The following ZAN variants were observed in gnomAD, a reference collection of about 807,000 sequenced individuals.
The protein encoded by ZAN is zonadhesin (gene/pseudogene).
In ZAN, 260 loss-of-function variants were observed where a neutral mutation model predicts 286.2. That is an observed-to-expected ratio of 0.91 (90% CI 0.82 to 1.01). ZAN has a LOEUF of 1.01. ZAN is among the 50% of genes least tolerant of loss of function. The pLI, the probability that ZAN is intolerant of heterozygous loss-of-function variation, is 0.00. For synonymous variants in ZAN, 1,368 were observed against 1,417.5 expected, an observed-to-expected ratio of 0.97 and a Z score of 0.79; for missense variants, 3,410 against 3,639.2, an observed-to-expected ratio of 0.94 and a Z score of 1.62.
At position 100,763,875 on chromosome 7, in the gene ZAN, A is replaced by G; in HGVS notation, c.4056A>G (p.Pro1352=). 6.2e-7 allele frequency: 1 copy of G among 1,614,034 alleles called. No individual in the cohort carries two copies. Among genetic ancestry groups the G allele is most frequent in the Non-Finnish European group, 8.5e-7 (1 of 1,179,896 alleles). ...DSSLQSSMSG[P]GFCGRLVDTH... is the part of the protein sequence containing the mutation. ...CTCTGCAGAGCAGCATGTCGGGGCC[A>G]GGGTTCTGTGGACGGCTGGTCGACA... is the stretch of plus-strand genomic sequence containing the variant. The change falls in exon 21 of 48, where the codon CCA becomes CCG. Residue 1352 remains proline, a synonymous_variant. Coordinates refer to ENST00000613979, the MANE Select transcript of ZAN (RefSeq NM_003386.3). The surrounding 1 kb of genome is among the most constrained non-coding windows in gnomAD (Gnocchi z 4.6).
At chr7:100,761,040 C>T (rs372702261) in intron 19 of ZAN, among the ~76,000 whole-genome samples, 4 of 151,982 alleles carry the variant, frequency 2.6e-5, no homozygotes, top group South Asian at 2.1e-4. Flanking sequence ...GGATTACAGG[C>T]GCACACCACC....
rs1808221185 is a variant in ZAN, at chr7:100,746,412, C to T, written c.767-126C>T. On this transcript the variant is annotated intron_variant, in intron 7 of 47. Coordinates refer to ENST00000613979, the MANE Select transcript of ZAN (RefSeq NM_003386.3). ...CAGTTGGGATAGGACCACCTCAGTG[C>T]TGCCTGATTCTAGGCTGCTGTTGGG... 6 of 1,246,106 alleles carry T rather than the reference C, an allele frequency of 4.8e-6. No homozygotes were observed. The South Asian group carries it at 7.7e-5, about 16-fold the overall frequency. The allele number at this position is 1,246,106 out of a possible 1,614,324, so 77.2% of individuals were successfully genotyped here. A position where few individuals can be genotyped will look rare whatever the true frequency, so the allele number is the denominator to read the frequency against.
rs1405243438 is a variant in ZAN at position 100,774,007 on chromosome 7, A to T, written c.5779+142A>T. On this transcript the variant is annotated intron_variant, in intron 31 of 47. Coordinates refer to ENST00000613979, the MANE Select transcript of ZAN (RefSeq NM_003386.3). ...CTGCAACCAAGAGCTTCTGGTGGGT[A>T]AGATGACCTCCAACTGCTGAGAAGG... 32 of 1,280,862 alleles carry T rather than the reference A, an allele frequency of 2.5e-5. No individual in the cohort carries two copies. In the East Asian group the frequency reaches 6.9e-4, roughly 27 times the overall value. The allele number at this position is 1,280,862 out of a possible 1,614,324, so 79.3% of individuals were successfully genotyped here. A position where few individuals can be genotyped will look rare whatever the true frequency, so the allele number is the denominator to read the frequency against.
rs1218762723 is a variant in ZAN at position 100,795,189 on chromosome 7, C to T, written c.8126-7C>T. The T allele has an allele frequency of 2.5e-6, 4 of 1,606,382 alleles. No homozygotes were observed. ...CCCCCCTCCCACAACCCTCTCTGTC[C>T]TTGCAGAAAGCCCGTGTCTGCAGAA... On this transcript the variant is annotated splice_region_variant and splice_polypyrimidine_tract_variant and intron_variant, in intron 44 of 47. Transcript: ENST00000613979.
intron 45 of ZAN, among the ~76,000 whole-genome samples, chr7:100,796,319 T>C (rs1171686081): frequency 6.6e-6 from 1 of 152,022 alleles, no homozygotes; most frequent in Non-Finnish European, 1.5e-5. Flanking sequence ...TCCAGCTTTA[T>C]CTTGCCTAAG....
rs1811457644 is a variant in ZAN, at chr7:100,784,844, C to T, written c.6834+10C>T. 3 of 1,577,526 alleles carry T rather than the reference C, an allele frequency of 1.9e-6. No homozygotes were observed. Among genetic ancestry groups the T allele is most frequent in the Non-Finnish European group, 2.6e-6 (3 of 1,159,322 alleles). On this transcript the variant is annotated intron_variant, in intron 36 of 47. Coordinates refer to ENST00000613979, the MANE Select transcript of ZAN (RefSeq NM_003386.3). The stretch of plus-strand genomic sequence containing the variant: ...TGGTGGCTCCATCCCTGTGAGTGGG[C>T]ATGGGAAATGGGACTGGAGGCAACA...
At chr7:100,755,863 T>C (rs1156573726) in intron 15 of ZAN, among the ~76,000 whole-genome samples, 1 of 152,164 alleles carries the variant, frequency 6.6e-6, no homozygotes, top group Non-Finnish European at 1.5e-5. Flanking sequence ...TAAGTCACCG[T>C]GTCTGGCTGG....
intron 28 of ZAN, 80 bp from the exon 29 acceptor site, chr7:100,771,764 G>C: frequency 6.9e-7 from 1 of 1,447,080 alleles, no homozygotes. Flanking sequence ...AGTGGATGTC[G>C]AATCAGCCCC....
At position 100,792,102 on chromosome 7, in the gene ZAN, C is replaced by G; in HGVS notation, c.7666C>G (p.Pro2556Ala). The change falls in exon 41 of 48, where the codon CCC becomes GCC. Residue 2556 changes from proline to alanine, a missense_variant. By Grantham distance (27) the Pro-to-Ala change is conservative (BLOSUM62 -1). This residue lies in a region of ZAN where 1,289 missense variants were observed against 1,314.3 expected (regional missense o/e 0.98). Transcript: ENST00000613979. ...TAGGGTGCTGGCAGACCCCCAGGGC[C>G]CCTTTGCTGCCTGTCACCAGACGGT... ...ACRVLADPQG[P>A]FAACHQTVAP... 6.2e-7 allele frequency: 1 copy of G among 1,612,668 alleles called. No individual in the cohort carries two copies. Among genetic ancestry groups the G allele is most frequent in the Non-Finnish European group, 8.5e-7 (1 of 1,179,666 alleles).
Position 100,767,250 on chromosome 7 carries a change from A to C in ZAN, c.4853A>C (p.Lys1618Thr). The C allele has an allele frequency of 6.2e-7, 1 of 1,608,938 alleles. No homozygotes were observed. Among genetic ancestry groups the C allele is most frequent in the Non-Finnish European group, 8.5e-7 (1 of 1,179,362 alleles). ...AGCATCTCACTGCTCAGAGGCTGTA[A>C]GGTCATGGTGGGTGTCTTCCTCCTG... is the stretch of plus-strand genomic sequence containing the variant. ...DLSISLLRGC[K>T]VMLNGHRVAL... Residue 1618 changes from lysine to threonine, a missense_variant, in exon 25 of 48, where the codon AAG (lysine) becomes ACG (threonine). Lys to Thr is a moderately conservative substitution (Grantham distance 78, BLOSUM62 -1). Coordinates refer to ENST00000613979, the MANE Select transcript of ZAN (RefSeq NM_003386.3).
chr7:100,755,885 T>A (rs570996142), intron 15 of ZAN, among the ~76,000 whole-genome samples: 4 of 152,080 alleles, frequency 2.6e-5, no homozygotes, highest in South Asian at 4.1e-4. Flanking sequence ...CACATTTCTT[T>A]TTTTATTTTA....
In ZAN at chr7:100,755,390, T is replaced by C. The variant is rs1562928858; in HGVS notation, c.3289T>C (p.Tyr1097His). The change falls in exon 15 of 48, where the codon TAC (tyrosine) becomes CAC (histidine). Residue 1097 changes from tyrosine to histidine, a missense_variant. Physicochemically the swap from Tyr to His is moderately conservative, Grantham distance 83. Around this residue, in one of 7 missense-constraint regions of ZAN, gnomAD observed 1,042 missense variants for 1,058.0 expected, o/e 0.98. Coordinates refer to ENST00000613979, the MANE Select transcript of ZAN (RefSeq NM_003386.3). ...CCAGGCCTCTTCCTGCAATTGCTTC[T>C]ACAACAACGACTACTATGAGGTAAG... is the stretch of plus-strand genomic sequence containing the variant. ...CIQASSCNCF[Y>H]NNDYYEPGAE... 6.2e-7 allele frequency: 1 copy of C among 1,613,440 alleles called. No homozygotes were observed. The highest frequency in any genetic ancestry group is 1.3e-5 in the African/African-American group (1 of 74,896).
intron 35 of ZAN, among the ~76,000 whole-genome samples, chr7:100,781,976 ATGAG>A (rs910820935): frequency 1.3e-5 from 2 of 152,124 alleles, no homozygotes; most frequent in Admixed American, 1.3e-4. Flanking sequence ...AGTTTTTATT[ATGAG>A]TGAGATTGGA....
At chr7:100,747,321 A>G (rs1808298073) in intron 8 of ZAN, among the ~76,000 whole-genome samples, 1 of 152,138 alleles carries the variant, frequency 6.6e-6, no homozygotes, top group Non-Finnish European at 1.5e-5. Context: ...TGGGAGACAG[A>G]AGTTGCAGTG....
intron 34 of ZAN, 151 bp from the exon 35 acceptor site, chr7:100,779,295 C>T (rs1004780654): frequency 1.4e-4 from 109 of 789,692 alleles, no homozygotes; most frequent in Non-Finnish European, 2.0e-4. Context: ...ATCGCTTGAA[C>T]ATGGGAGGGA....
At chr7:100,780,491 T>C (rs538474288) in intron 35 of ZAN, among the ~76,000 whole-genome samples, 7 of 151,986 alleles carry the variant, frequency 4.6e-5, no homozygotes, top group South Asian at 2.1e-4. Context: ...CTGGGCAACA[T>C]AGTGAGACCC....
chr7:100,780,476 C>G (rs1200526777), intron 35 of ZAN, among the ~76,000 whole-genome samples: 4 of 152,020 alleles, frequency 2.6e-5, no homozygotes, highest in African/African-American at 9.6e-5. Context: ...GAGTTCGAGA[C>G]CAGCCTGGGC....
chr7:100,768,552 TG>T, intron 26 of ZAN, 57 bp from the exon 27 acceptor site: 2 of 1,436,076 alleles, frequency 1.4e-6, no homozygotes, highest in South Asian at 1.3e-5. Context: ...ATGGTGGCCC[TG>T]GGGCCTGGCC....
chr7:100,742,002 C>T (rs1350069608), intron 7 of ZAN, among the ~76,000 whole-genome samples: 5 of 50,468 alleles, frequency 9.9e-5, no homozygotes, highest in Admixed American at 1.5e-4. Context: ...GGGTGGCTGC[C>T]GGGCGGAGAT....
Sources: gnomAD v4.1 joint callset for allele counts (sites outside exome capture counted in the v4.1 genomes callset) on GRCh38, gnomAD v4.1.1 for gene constraint, gnomAD v4.1.1 regional missense constraint, Gnocchi (gnomAD v3.1) non-coding constraint, MANE v1.5 for transcripts, NCBI Gene and HGNC (gene_info 2026-07-23, HGNC 2026-07-21) for gene names.